The following COMMD10 variants were observed in gnomAD, a reference collection of about 807,000 sequenced individuals.
COMMD10 encodes COMM domain containing 10, also known as COMM domain-containing protein 10.
Under a neutral mutation model 28.9 loss-of-function variants are expected in COMMD10, and 33 were observed. That is an observed-to-expected ratio of 1.14 (90% CI 0.87 to 1.53). The LOEUF is 1.53. Among genes scored for constraint, COMMD10 ranks in the 40% most tolerant of loss-of-function variants. The pLI, the probability that COMMD10 is intolerant of heterozygous loss-of-function variation, is 0.00. For synonymous variants in COMMD10, 110 were observed against 81.7 expected, an observed-to-expected ratio of 1.35 and a Z score of -1.87; for missense variants, 310 against 233.4, an observed-to-expected ratio of 1.33 and a Z score of -2.14.
chr5:116,167,364 TTTGA>T (rs1305517790), intron 5 of COMMD10, among the ~76,000 whole-genome samples: 7 of 152,122 alleles, frequency 4.6e-5, no homozygotes, highest in Middle Eastern at 6.8e-3. Flanking sequence ...CAAACCTGTG[TTTGA>T]TTGGTGTACC....
intron 3 of COMMD10, among the ~76,000 whole-genome samples, chr5:116,092,253 T>C (rs1210630771): frequency 6.6e-6 from 1 of 152,188 alleles, no homozygotes; most frequent in Admixed American, 6.5e-5. Context: ...ACCATTTACA[T>C]AGCCAAAGCA....
intron 5 of COMMD10, among the ~76,000 whole-genome samples, chr5:116,262,166 A>T (rs530839905): frequency 1.3e-5 from 2 of 151,736 alleles, no homozygotes; most frequent in Middle Eastern, 3.4e-3. Context: ...TACTATTCTG[A>T]TGAGTGTCTC....
At chr5:116,087,738 C>A in intron 2 of COMMD10, 151 bp downstream of exon 2, 1 of 608,016 alleles carries the variant, frequency 1.6e-6, no homozygotes, top group South Asian at 2.1e-5. Flanking sequence ...GTTTCATGGT[C>A]AGAAGTTTGA....
intron 5 of COMMD10, among the ~76,000 whole-genome samples, chr5:116,228,890 A>G (rs1749462145): frequency 6.6e-6 from 1 of 151,994 alleles, no homozygotes; most frequent in African/African-American, 2.4e-5. Flanking sequence ...ATTGAGACAT[A>G]TTCTTGTAGT....
In COMMD10 at chr5:116,292,557, C is replaced by T. The variant is rs1561412347; in HGVS notation, c.*68C>T. On this transcript the variant is annotated 3_prime_UTR_variant, in exon 7 of 7. Coordinates refer to ENST00000274458, the MANE Select transcript of COMMD10 (RefSeq NM_016144.4). ...ATTATTTTGCATTGAAGATACATTGCCAGGTTGTGTTTTCTGAAGGATTCA... is the reference window on the plus strand; with the variant it reads ...ATTATTTTGCATTGAAGATACATTGTCAGGTTGTGTTTTCTGAAGGATTCA... 7.4e-7 allele frequency: 1 copy of T among 1,342,962 alleles called. No individual in the cohort carries two copies. Among genetic ancestry groups the T allele is most frequent in the Non-Finnish European group, 1.0e-6 (1 of 973,016 alleles). The allele number at this position is 1,342,962 out of a possible 1,614,324, so 83.2% of individuals were successfully genotyped here.
At chr5:116,105,077 G>A (rs776283172) in intron 4 of COMMD10, among the ~76,000 whole-genome samples, 27 of 152,212 alleles carry the variant, frequency 1.8e-4, no homozygotes, top group Admixed American at 2.0e-4. Flanking sequence ...CATACAGTAT[G>A]ATATTGGTTG....
chr5:116,229,992 T>C (rs1749488934), intron 5 of COMMD10, among the ~76,000 whole-genome samples: 1 of 151,952 alleles, frequency 6.6e-6, no homozygotes, highest in Non-Finnish European at 1.5e-5. Context: ...ACTAGCTTAC[T>C]CCCTGTTAAT....
chr5:116,244,660 CAAAAAA>C (rs60360733), intron 5 of COMMD10, among the ~76,000 whole-genome samples: 1 of 79,486 alleles, frequency 1.3e-5, no homozygotes, highest in Non-Finnish European at 3.0e-5. Context: ...AAAAAAATTA[CAAAAAA>C]AAAAAAAAAA....
chr5:116,292,414 C>A lies in COMMD10; in HGVS notation c.571-37C>A, dbSNP rs563729983. On this transcript the variant is annotated intron_variant, in intron 6 of 6. Transcript: ENST00000274458. ...CACTTGATATGAGTTTCGTTCCCTT[C>A]ACTAACGTCTTTTTTTTTTTTTGTC... The A allele has an allele frequency of 7.3e-5, 105 of 1,434,936 alleles. No individual in the cohort carries two copies. In the African/African-American group the frequency reaches 1.6e-3, roughly 22 times the overall value. 88.9% of individuals were successfully genotyped at this position (1,434,936 alleles called of 1,614,324 possible). A position where few individuals can be genotyped will look rare whatever the true frequency, so the allele number is the denominator to read the frequency against.
chr5:116,194,923 A>G (rs1222956542), intron 5 of COMMD10, among the ~76,000 whole-genome samples: 1 of 152,196 alleles, frequency 6.6e-6, no homozygotes, highest in African/African-American at 2.4e-5. Context: ...TTAACAAAAT[A>G]CTAGCTAACC....
chr5:116,135,393 A>G (rs1751997061), intron 5 of COMMD10, among the ~76,000 whole-genome samples: 1 of 152,234 alleles, frequency 6.6e-6, no homozygotes, highest in African/African-American at 2.4e-5. Context: ...ATTCTGTGGA[A>G]TTGACTTGAG....
At chr5:116,166,161 C>T (rs920362550) in intron 5 of COMMD10, among the ~76,000 whole-genome samples, 2 of 37,724 alleles carry the variant, frequency 5.3e-5, no homozygotes, top group Non-Finnish European at 1.1e-4. Context: ...TGTCAAATGG[C>T]GATAGTTGTT....
chr5:116,148,412 A>T (rs574381211), intron 5 of COMMD10, among the ~76,000 whole-genome samples: 1 of 151,984 alleles, frequency 6.6e-6, no homozygotes, highest in African/African-American at 2.4e-5. Context: ...TCTTTCAGAC[A>T]TAAAGAAGTT....
intron 5 of COMMD10, among the ~76,000 whole-genome samples, chr5:116,164,203 C>T (rs1420679957): frequency 6.6e-6 from 1 of 152,112 alleles, no homozygotes; most frequent in Non-Finnish European, 1.5e-5. Context: ...CGCCTATAAT[C>T]CCAGCTACCC....
chr5:116,183,716 G>T (rs1240494555), intron 5 of COMMD10, among the ~76,000 whole-genome samples: 1 of 152,048 alleles, frequency 6.6e-6, no homozygotes, highest in Non-Finnish European at 1.5e-5. Flanking sequence ...CTTTCTGAAT[G>T]AATGTATAAA....
intron 6 of COMMD10, among the ~76,000 whole-genome samples, chr5:116,291,922 C>G (rs1393410929): frequency 6.6e-6 from 1 of 151,924 alleles, no homozygotes. Context: ...GGGAAACATG[C>G]CTTTAGAGAT....
chr5:116,210,776 G>GT (rs1306749326), intron 5 of COMMD10, among the ~76,000 whole-genome samples: 15 of 152,042 alleles, frequency 9.9e-5, no homozygotes, highest in Non-Finnish European at 1.9e-4. Context: ...TTGTCCAAGT[G>GT]TTTATAGTGT....
At chr5:116,203,085 A>G (rs1424405757) in intron 5 of COMMD10, among the ~76,000 whole-genome samples, 2 of 152,126 alleles carry the variant, frequency 1.3e-5, no homozygotes, top group African/African-American at 4.8e-5. Context: ...GAAGGGATCC[A>G]GTTTCAGCTT....
At chr5:116,175,068 T>C (rs1235013287) in intron 5 of COMMD10, among the ~76,000 whole-genome samples, 1 of 152,202 alleles carries the variant, frequency 6.6e-6, no homozygotes, top group Non-Finnish European at 1.5e-5. Context: ...CTTTACTTCC[T>C]GAATGTCTTT....
Sources: gnomAD v4.1 joint callset for allele counts (sites outside exome capture counted in the v4.1 genomes callset) on GRCh38, gnomAD v4.1.1 for gene constraint, MANE v1.5 for transcripts, NCBI Gene and HGNC (gene_info 2026-07-23, HGNC 2026-07-21) for gene names.